KIAA1191: variants seen among roughly 807,000 people sequenced by gnomAD.
The protein encoded by KIAA1191 is putative monooxygenase p33MONOX.
KIAA1191 carries 22 observed loss-of-function variants against 31.1 expected under a neutral mutation model. The ratio of observed to expected loss-of-function variants is 0.71; its 90% CI spans 0.51 to 1.01. The LOEUF (loss-of-function observed/expected upper bound fraction) is 1.01, where lower values mean the gene tolerates loss of function less well. Ranked by LOEUF, KIAA1191 falls within the 50% of genes least tolerant of loss-of-function variation. The probability of loss-of-function intolerance (pLI) is 0.00; values close to 1 mark genes in which losing one functional copy is unlikely to be tolerated. For synonymous variants in KIAA1191, 130 were observed against 143.9 expected (o/e 0.90, Z 0.69); for missense variants, 319 against 388.0 (o/e 0.82, Z 1.49).
chr5:176,348,098 C>G (rs756022825), intron 7 of KIAA1191, 35 bp from the exon 8 acceptor site: 1 of 1,610,980 alleles, frequency 6.2e-7, no homozygotes, highest in Non-Finnish European at 8.5e-7. Context: ...TCCTAAAATA[C>G]CTCTTCCTTC....
At chr5:176,359,334 A>G in intron 3 of KIAA1191, 147 bp downstream of exon 3, 1 of 704,632 alleles carries the variant, frequency 1.4e-6, no homozygotes, top group Non-Finnish European at 2.4e-6. Flanking sequence ...AATAAAATAA[A>G]ATAAAATAAG....
chr5:176,353,068 T>A (rs1767176778), intron 4 of KIAA1191: 1 of 206,642 alleles, frequency 4.8e-6, no homozygotes, highest in African/African-American at 2.3e-5. Flanking sequence ...AAGAAATGCT[T>A]ATTACGAAGC....
At position 176,355,492 on chromosome 5, in the gene KIAA1191, G is replaced by A; in HGVS notation, c.207+79C>T. ...GTTGCTGCCCAGTCCCATGGGCACA[G>A]GGAGCCACTGAAGGCTTCTGGAGCA... On this transcript the variant is annotated intron_variant, in intron 4 of 8. Transcript: ENST00000298569. The surrounding 1 kb of genome is among the most constrained non-coding windows in gnomAD (Gnocchi z 4.2). 2 of 1,392,086 alleles carry A rather than the reference G, an allele frequency of 1.4e-6. No homozygotes were observed. Among genetic ancestry groups the A allele is most frequent in the Non-Finnish European group, 2.0e-6 (2 of 1,003,766 alleles). 86.2% of individuals were successfully genotyped at this position (1,392,086 alleles called of 1,614,324 possible). A position where few individuals can be genotyped will look rare whatever the true frequency, so the allele number is the denominator to read the frequency against.
intron 5 of KIAA1191, among the ~76,000 whole-genome samples, chr5:176,351,914 T>G (rs1767046326): frequency 6.6e-6 from 1 of 152,044 alleles, no homozygotes; most frequent in Non-Finnish European, 1.5e-5. Context: ...GGAGAACCTC[T>G]ATGTACCTTA....
chr5:176,354,195 A>T (rs185671579), intron 4 of KIAA1191: 1 of 152,302 alleles, frequency 6.6e-6, no homozygotes, highest in Admixed American at 6.5e-5. Context: ...TCCCCACAAC[A>T]CCTCTATGAC....
intron 4 of KIAA1191, chr5:176,354,663 T>C (rs1448741622): frequency 6.6e-6 from 1 of 152,286 alleles, no homozygotes; most frequent in African/African-American, 2.4e-5. Context: ...AGGTACAGCA[T>C]GTGTTCAAGA....
intron 4 of KIAA1191, among the ~76,000 whole-genome samples, chr5:176,353,873 C>A (rs1419491240): frequency 1.3e-5 from 2 of 152,220 alleles, no homozygotes; most frequent in Non-Finnish European, 2.9e-5. Context: ...TCTGACATCA[C>A]AGGCAAGCTG....
intron 6 of KIAA1191, among the ~76,000 whole-genome samples, chr5:176,350,324 T>C (rs1481067024): frequency 6.6e-6 from 1 of 152,222 alleles, no homozygotes; most frequent in Non-Finnish European, 1.5e-5. Flanking sequence ...CTGTTACCTC[T>C]GTTGAGGCTG....
Position 176,348,239 on chromosome 5 carries a change from G to GA in KIAA1191, c.566+10dup. On this transcript the variant is annotated intron_variant, in intron 7 of 8. Coordinates refer to ENST00000298569, the MANE Select transcript of KIAA1191 (RefSeq NM_020444.5). Reference sequence around the variant, plus strand: ...ACGCAGGAACTCGGAAGGGTCACAGGAAGGGCTCACCTGGGCCTCTGCTTA... The same window carrying GA: ...ACGCAGGAACTCGGAAGGGTCACAGGAAAGGGCTCACCTGGGCCTCTGCTTA... 2 of 1,612,828 alleles carry GA rather than the reference G, an allele frequency of 1.2e-6. No homozygotes were observed. Among genetic ancestry groups the GA allele is most frequent in the Non-Finnish European group, 1.7e-6 (2 of 1,179,162 alleles).
intron 3 of KIAA1191, among the ~76,000 whole-genome samples, chr5:176,358,304 T>C (rs1191675029): frequency 6.6e-6 from 1 of 152,248 alleles, no homozygotes; most frequent in Non-Finnish European, 1.5e-5. Flanking sequence ...TTATTCTGAA[T>C]TATTATTTGA....
chr5:176,360,217 C>T (rs557153573), intron 1 of KIAA1191, among the ~76,000 whole-genome samples: 2 of 140,986 alleles, frequency 1.4e-5, no homozygotes, highest in South Asian at 2.2e-4. Flanking sequence ...AGTGCAGTGG[C>T]GCGATCTTGG....
intron 4 of KIAA1191, chr5:176,353,398 G>A (rs1310579385): frequency 6.6e-6 from 1 of 152,250 alleles, no homozygotes; most frequent in African/African-American, 2.4e-5. Context: ...TCCACCTTCT[G>A]CAATCGAAAC....
Position 176,347,932 on chromosome 5 carries a change from T to G in KIAA1191, c.698A>C (p.Lys233Thr). The change falls in exon 8 of 9, where the codon AAG (lysine) becomes ACG (threonine). Residue 233 changes from lysine to threonine, a missense_variant. Coordinates refer to ENST00000298569, the MANE Select transcript of KIAA1191 (RefSeq NM_020444.5). ...WSLFGPRSLQ[K>T]YDSGSFATQA... ...AGGTGCTGCCTTACCAGAATCGTACTTCTGAAGGGATCTCGGTCCAAAGAG... is the reference window on the plus strand; with the variant it reads ...AGGTGCTGCCTTACCAGAATCGTACGTCTGAAGGGATCTCGGTCCAAAGAG... 1 of 1,614,166 alleles carries G rather than the reference T, an allele frequency of 6.2e-7. No homozygotes were observed. Among genetic ancestry groups the G allele is most frequent in the Non-Finnish European group, 8.5e-7 (1 of 1,180,030 alleles).
At chr5:176,350,765 C>A in intron 5 of KIAA1191, 28 bp from the exon 6 acceptor site, 1 of 1,611,416 alleles carries the variant, frequency 6.2e-7, no homozygotes, top group Non-Finnish European at 8.5e-7. Flanking sequence ...GACAGTCATG[C>A]CCATTCCCCT....
chr5:176,350,627 C>A lies in KIAA1191; in HGVS notation c.445G>T (p.Ala149Ser). The change falls in exon 6 of 9, where the codon GCC becomes TCC. Residue 149 changes from alanine to serine, a missense_variant. Coordinates refer to ENST00000298569, the MANE Select transcript of KIAA1191 (RefSeq NM_020444.5). ...TAAGAGCTTACGTGGAGTGCTTCGG[C>A]CACTCGAAGGTACTTGGTCTCCTCG... ...TTEETKYLRVAEALHKLKLQS... is the reference protein window; with the variant it reads ...TTEETKYLRVSEALHKLKLQS... 1 of 1,613,846 alleles carries A rather than the reference C, an allele frequency of 6.2e-7. No homozygotes were observed. The highest frequency in any genetic ancestry group is 8.5e-7 in the Non-Finnish European group (1 of 1,180,018).
At chr5:176,358,940 T>C (rs991554368) in intron 3 of KIAA1191, among the ~76,000 whole-genome samples, 10 of 151,232 alleles carry the variant, frequency 6.6e-5, no homozygotes, top group African/African-American at 2.4e-4. Context: ...AAAAATTAGC[T>C]GGGCATGGTG....
chr5:176,352,994 C>T (rs1019887463), intron 4 of KIAA1191, among the ~76,000 whole-genome samples: 5 of 152,178 alleles, frequency 3.3e-5, no homozygotes, highest in East Asian at 1.9e-4. Flanking sequence ...GAAGCTCTGA[C>T]GTCTACTACC....
At chr5:176,354,466 G>A (rs1325812976) in intron 4 of KIAA1191, 1 of 152,324 alleles carries the variant, frequency 6.6e-6, no homozygotes, top group African/African-American at 2.4e-5. Flanking sequence ...TATTCTTGGT[G>A]GCTGGAGAGT....
rs189716623 is a variant in KIAA1191, at chr5:176,355,965, G to A, written c.29-216C>T. 1.2e-3 allele frequency: 650 copies of A among 560,246 alleles called. 1 individual carries two copies. Among genetic ancestry groups the A allele is most frequent in the African/African-American group, 0.011 (597 of 52,748 alleles). 34.7% of individuals were successfully genotyped at this position (560,246 alleles called of 1,614,324 possible). On this transcript the variant is annotated intron_variant, in intron 3 of 8. Coordinates refer to ENST00000298569, the MANE Select transcript of KIAA1191 (RefSeq NM_020444.5). This position sits in a 1 kb window ranked among gnomAD's most constrained non-coding sequence, Gnocchi z 4.2. Reference sequence around the variant, plus strand: ...GGTGGTCCACTTAACCCACTCAGCCGTCCTAATCCTTTTTTTTTATTATTT... The same window carrying A: ...GGTGGTCCACTTAACCCACTCAGCCATCCTAATCCTTTTTTTTTATTATTT...
Sources: allele counts gnomAD v4.1 joint callset (sites outside exome capture counted in the v4.1 genomes callset), GRCh38; gene constraint gnomAD v4.1.1; non-coding constraint Gnocchi (gnomAD v3.1); transcripts MANE v1.5; gene names NCBI Gene and HGNC (gene_info 2026-07-23, HGNC 2026-07-21).